The following GALK2 variants were observed in gnomAD, a reference collection of about 807,000 sequenced individuals.
GALK2 encodes the protein galactokinase 2.
A neutral mutation model predicts 52.4 loss-of-function variants in GALK2; 36 were observed. The ratio of observed to expected loss-of-function variants is 0.69; its 90% CI spans 0.53 to 0.91. The LOEUF is 0.91. GALK2 is among the 40% of genes least tolerant of loss of function. The pLI, the probability that GALK2 is intolerant of heterozygous loss-of-function variation, is 0.00. For synonymous variants in GALK2, 176 were observed against 199.1 expected (o/e 0.88, Z 0.98); for missense variants, 579 against 559.1 (o/e 1.04, Z -0.36).
At chr15:49,361,245 T>G (rs1323539333) in intron 3 of GALK2, among the ~76,000 whole-genome samples, 3 of 152,190 alleles carry the variant, frequency 2.0e-5, no homozygotes, top group Non-Finnish European at 4.4e-5. Flanking sequence ...GATGCAAATT[T>G]TTTTTTAACT....
At chr15:49,284,516 G>GC (rs1193016675) in intron 7 of GALK2, among the ~76,000 whole-genome samples, 1 of 152,154 alleles carries the variant, frequency 6.6e-6, no homozygotes, top group African/African-American at 2.4e-5. Context: ...GAGGCTGGAG[G>GC]CTAGGAAGTG....
chr15:49,360,763 A>G (rs1249713468), intron 3 of GALK2, among the ~76,000 whole-genome samples: 2 of 152,334 alleles, frequency 1.3e-5, no homozygotes, highest in African/African-American at 2.4e-5. Context: ...TTATATTTAA[A>G]TGTTCTGCTA....
rs773083023 is a variant in GALK2 at position 49,319,759 on chromosome 15, T to C, written c.1123T>C (p.Tyr375His). ...NQSHMSCRDM[Y>H]ECSCPELDQL... is the part of the protein sequence containing the mutation. ...GAGCCACATGAGCTGCCGGGACATG[T>C]ATGAGTGCAGCTGCCCCGAGCTGGA... The change falls in exon 9 of 10, where the codon TAT becomes CAT. Residue 375 changes from tyrosine to histidine, a missense_variant. By Grantham distance (83) the Tyr-to-His change is moderately conservative. Coordinates refer to ENST00000560031, the MANE Select transcript of GALK2 (RefSeq NM_002044.4). 6 of 1,613,888 alleles carry C rather than the reference T, an allele frequency of 3.7e-6. No individual in the cohort carries two copies. The highest frequency in any genetic ancestry group is 1.7e-4 in the Middle Eastern group (1 of 6,044).
downstream of GALK2, among the ~76,000 whole-genome samples, chr15:49,334,048 T>A (rs1337502793): frequency 6.6e-6 from 1 of 152,222 alleles, no homozygotes; most frequent in Non-Finnish European, 1.5e-5. Flanking sequence ...TAGATGATGA[T>A]AATGTTTAGC....
intron 2 of GALK2, among the ~76,000 whole-genome samples, chr15:49,213,035 T>C (rs1326693883): frequency 6.6e-6 from 1 of 152,206 alleles, no homozygotes; most frequent in Non-Finnish European, 1.5e-5. Context: ...TTAAGTCTGA[T>C]GTTTCTTTGT....
At chr15:49,189,873 A>T (rs1038995606) in intron 1 of GALK2, among the ~76,000 whole-genome samples, 1 of 152,196 alleles carries the variant, frequency 6.6e-6, no homozygotes, top group African/African-American at 2.4e-5. Context: ...TTTCCATTTA[A>T]TATTTTCAGA....
At chr15:49,227,609 T>A (rs1283021197) in intron 3 of GALK2, among the ~76,000 whole-genome samples, 2 of 152,144 alleles carry the variant, frequency 1.3e-5, no homozygotes, top group Non-Finnish European at 2.9e-5. Flanking sequence ...ATCTTTTAAT[T>A]GGAAAATTTA....
At chr15:49,314,948 A>G (rs889373924) in intron 8 of GALK2, among the ~76,000 whole-genome samples, 2 of 152,270 alleles carry the variant, frequency 1.3e-5, no homozygotes, top group African/African-American at 4.8e-5. Flanking sequence ...CAGGAGCCAC[A>G]TGGTGTGCTG....
intron 1 of GALK2, among the ~76,000 whole-genome samples, chr15:49,190,108 GAAAAACT>G (rs1232555894): frequency 1.3e-5 from 2 of 152,126 alleles, no homozygotes; most frequent in Non-Finnish European, 2.9e-5. Flanking sequence ...GGAAAATTGT[GAAAAACT>G]TCGAAATGGA....
At chr15:49,216,191 A>C (rs1050809520) in intron 2 of GALK2, among the ~76,000 whole-genome samples, 2 of 152,068 alleles carry the variant, frequency 1.3e-5, no homozygotes, top group Non-Finnish European at 2.9e-5. Flanking sequence ...CCTGTATAAT[A>C]CTGGATCTTG....
intron 5 of GALK2, among the ~76,000 whole-genome samples, chr15:49,247,209 TG>T (rs1162252012): frequency 6.6e-6 from 1 of 151,906 alleles, no homozygotes; most frequent in Non-Finnish European, 1.5e-5. Flanking sequence ...TCCCTGTGGT[TG>T]GGGTGTGGTG....
intron 3 of GALK2, among the ~76,000 whole-genome samples, chr15:49,224,033 T>C (rs1319185314): frequency 6.6e-6 from 1 of 152,210 alleles, no homozygotes; most frequent in Admixed American, 6.5e-5. Flanking sequence ...TTCCTTTTTC[T>C]ACACAGCCTT....
chr15:49,226,283 A>G (rs931920186), intron 3 of GALK2, among the ~76,000 whole-genome samples: 4 of 152,088 alleles, frequency 2.6e-5, no homozygotes, highest in Non-Finnish European at 5.9e-5. Flanking sequence ...GGGTTGCCCC[A>G]CTATCCCTTC....
At chr15:49,189,330 C>T (rs1316789106) in intron 1 of GALK2, among the ~76,000 whole-genome samples, 1 of 152,094 alleles carries the variant, frequency 6.6e-6, no homozygotes, top group Non-Finnish European at 1.5e-5. Context: ...ATTGATAGAA[C>T]AGTATTCTCT....
At chr15:49,355,926 G>A (rs2043081699) in intron 3 of GALK2, among the ~76,000 whole-genome samples, 1 of 151,456 alleles carries the variant, frequency 6.6e-6, no homozygotes, top group Admixed American at 6.6e-5. Flanking sequence ...AGAGAGTGGG[G>A]GCCAATATTC....
intron 3 of GALK2, among the ~76,000 whole-genome samples, chr15:49,219,235 A>G (rs565451144): frequency 6.6e-6 from 1 of 152,164 alleles, no homozygotes; most frequent in Admixed American, 6.5e-5. Context: ...GAGGTAATTG[A>G]ATCATGGGGG....
intron 3 of GALK2, among the ~76,000 whole-genome samples, chr15:49,347,311 T>C (rs974999572): frequency 6.6e-6 from 1 of 152,178 alleles, no homozygotes; most frequent in Non-Finnish European, 1.5e-5. Flanking sequence ...ATTTTTGAAG[T>C]AGGAGACAGA....
At chr15:49,213,294 A>G (rs559861422) in intron 2 of GALK2, among the ~76,000 whole-genome samples, 14 of 152,286 alleles carry the variant, frequency 9.2e-5, no homozygotes, top group Middle Eastern at 3.4e-3. Flanking sequence ...TTATTTATGC[A>G]TAACTACTCT....
chr15:49,282,930 T>C (rs17397344), intron 6 of GALK2, among the ~76,000 whole-genome samples: 1 of 152,182 alleles, frequency 6.6e-6, no homozygotes, highest in Non-Finnish European at 1.5e-5. Flanking sequence ...CTGATGTTAA[T>C]GTAAGTTAGC....
Sources: gnomAD v4.1 joint callset for allele counts (sites outside exome capture counted in the v4.1 genomes callset) on GRCh38, gnomAD v4.1.1 for gene constraint, MANE v1.5 for transcripts, NCBI Gene and HGNC (gene_info 2026-07-23, HGNC 2026-07-21) for gene names.